Variants in LOC128462377 observed in about 807,000 individuals in gnomAD.
chr16:89,409,891 G>A, the LOC128462377 span, among the ~76,000 whole-genome samples: 2 of 150,742 alleles, frequency 1.3e-5, no homozygotes, highest in Non-Finnish European at 2.9e-5. Context: ...CCAGGCTGGA[G>A]TGTAGTGGCA....
the LOC128462377 span, among the ~76,000 whole-genome samples, chr16:89,341,148 G>C: frequency 6.6e-6 from 1 of 152,160 alleles, no homozygotes; most frequent in Admixed American, 6.5e-5. Flanking sequence ...TTTCCACTGC[G>C]AAAAGCCTGA....
At chr16:89,401,364 C>T in the LOC128462377 span, among the ~76,000 whole-genome samples, 17 of 152,166 alleles carry the variant, frequency 1.1e-4, no homozygotes, top group Non-Finnish European at 2.2e-4. Context: ...GCACGAGCCA[C>T]TGCGTCTGGC....
At chr16:89,379,447 T>C in the LOC128462377 span, among the ~76,000 whole-genome samples, 1 of 152,214 alleles carries the variant, frequency 6.6e-6, no homozygotes, top group Non-Finnish European at 1.5e-5. Context: ...TGTCAGGGCA[T>C]CCAAAACCAG....
At chr16:89,364,111 G>C in the LOC128462377 span, among the ~76,000 whole-genome samples, 1 of 151,800 alleles carries the variant, frequency 6.6e-6, no homozygotes, top group Non-Finnish European at 1.5e-5. Context: ...AGAAAAGGAA[G>C]AAAAAAAAGA....
chr16:89,375,652 A>G, the LOC128462377 span, among the ~76,000 whole-genome samples: 17 of 151,578 alleles, frequency 1.1e-4, no homozygotes, highest in African/African-American at 4.1e-4. Context: ...CAGGGGTTTC[A>G]CCATGTTGGC....
the LOC128462377 span, chr16:89,320,109 G>C: frequency 6.6e-6 from 1 of 152,396 alleles, no homozygotes; most frequent in Non-Finnish European, 1.5e-5. Context: ...GGTGTTGTCT[G>C]AGGGTGGGGG....
chr16:89,409,360 C>G, the LOC128462377 span, among the ~76,000 whole-genome samples: 4 of 152,234 alleles, frequency 2.6e-5, no homozygotes, highest in Non-Finnish European at 4.4e-5. Flanking sequence ...CACCTATCAA[C>G]AGGGGTGGGG....
the LOC128462377 span, among the ~76,000 whole-genome samples, chr16:89,335,430 G>A: frequency 2.6e-5 from 4 of 152,198 alleles, no homozygotes; most frequent in Admixed American, 1.3e-4. Context: ...GGTCTCTGCC[G>A]TCCTGAGCTT....
At chr16:89,386,355 C>T in the LOC128462377 span, among the ~76,000 whole-genome samples, 3 of 152,126 alleles carry the variant, frequency 2.0e-5, no homozygotes, top group African/African-American at 4.8e-5. Context: ...CAATTCCCAA[C>T]GTTACTCGTG....
the LOC128462377 span, among the ~76,000 whole-genome samples, chr16:89,348,081 G>A: frequency 5.0e-3 from 762 of 151,910 alleles, 5 homozygotes; most frequent in African/African-American, 0.018. Flanking sequence ...CTACAGGCGC[G>A]CCACCCTGCC....
chr16:89,396,727 C>T, the LOC128462377 span, among the ~76,000 whole-genome samples: 1 of 152,184 alleles, frequency 6.6e-6, no homozygotes, highest in Admixed American at 6.5e-5. Context: ...TACTCTGTCG[C>T]CCAGGCTGGA....
the LOC128462377 span, among the ~76,000 whole-genome samples, chr16:89,415,207 T>A: frequency 1.3e-5 from 2 of 149,412 alleles, no homozygotes; most frequent in Non-Finnish European, 3.0e-5. Context: ...ACCCACCCCT[T>A]CCTCCCAAAG....
the LOC128462377 span, among the ~76,000 whole-genome samples, chr16:89,376,529 C>T: frequency 6.6e-6 from 1 of 152,226 alleles, no homozygotes; most frequent in Non-Finnish European, 1.5e-5. Context: ...CTTCCACCTG[C>T]TGGGTTCAAG....
the LOC128462377 span, among the ~76,000 whole-genome samples, chr16:89,384,340 G>A: frequency 3.9e-5 from 6 of 152,210 alleles, no homozygotes; most frequent in Non-Finnish European, 7.3e-5. Context: ...AGACCAGCCC[G>A]TCCAACATAG....
At chr16:89,369,916 AAAAC>A in the LOC128462377 span, among the ~76,000 whole-genome samples, 2 of 152,174 alleles carry the variant, frequency 1.3e-5, no homozygotes, top group African/African-American at 4.8e-5. Context: ...ATCTCAGAAG[AAAAC>A]AAACAAAAAC....
At chr16:89,407,375 C>A in the LOC128462377 span, among the ~76,000 whole-genome samples, 4 of 152,032 alleles carry the variant, frequency 2.6e-5, no homozygotes, top group African/African-American at 9.7e-5. Flanking sequence ...AAAGAGACAA[C>A]GAGATAAAAG....
the LOC128462377 span, among the ~76,000 whole-genome samples, chr16:89,415,850 A>AAAAAAAAAAAAAAAAAAC: frequency 6.8e-6 from 1 of 147,384 alleles, no homozygotes; most frequent in African/African-American, 2.5e-5. Context: ...AAAAAAAAAA[A>AAAAAAAAAAAAAAAAAAC]CAATGGAGAA....
the LOC128462377 span, among the ~76,000 whole-genome samples, chr16:89,414,843 T>C: frequency 6.6e-6 from 1 of 150,914 alleles, no homozygotes; most frequent in Non-Finnish European, 1.5e-5. Flanking sequence ...GAAGCGACTG[T>C]GGATCTCATC....
chr16:89,319,789 C>T, the LOC128462377 span, among the ~76,000 whole-genome samples: 3 of 152,216 alleles, frequency 2.0e-5, no homozygotes, highest in Non-Finnish European at 2.9e-5. Context: ...GCGTGCAGCA[C>T]GCGGCCCACT....
Sources: allele counts gnomAD v4.1 joint callset (sites outside exome capture counted in the v4.1 genomes callset), GRCh38; gene constraint gnomAD v4.1.1; transcripts MANE v1.5.